Variants in RABEP2 observed in about 807,000 individuals in gnomAD.
The protein encoded by RABEP2 is rab GTPase-binding effector protein 2.
A neutral mutation model predicts 74.1 loss-of-function variants in RABEP2; 57 were observed. That is an observed-to-expected ratio of 0.77 (90% CI 0.62 to 0.96). RABEP2 has a LOEUF of 0.96. Among genes scored for constraint, RABEP2 ranks in the 40% least tolerant of loss-of-function variants. The probability of loss-of-function intolerance (pLI) is 0.00; values close to 1 mark genes in which losing one functional copy is unlikely to be tolerated. For missense variants in RABEP2, 692 were observed against 756.3 expected (o/e 0.91, Z 1.00); for synonymous variants, 351 against 344.0 (o/e 1.02, Z -0.23).
rs1409012051 is a variant in RABEP2 at position 28,914,425 on chromosome 16, G to A, written c.705C>T (p.Ser235=). 6.2e-7 allele frequency: 1 copy of A among 1,613,582 alleles called. No homozygotes were observed. The highest frequency in any genetic ancestry group is 1.7e-5 in the Admixed American group (1 of 60,024). The part of the protein sequence containing the change: ...AHNCDDSASI[S]SFSLGGGVGS... ...CGACCCCACCGCCAAGGGAGAAGGA[G>A]GAGATGGAGGCGCTGTCATCGCAGT... Residue 235 remains serine, a synonymous_variant, in exon 5 of 13, where the codon TCC becomes TCT. Coordinates refer to ENST00000358201, the MANE Select transcript of RABEP2 (RefSeq NM_024816.3).
intron 11 of RABEP2, 53 bp downstream of exon 11, chr16:28,905,651 T>C: frequency 1.3e-6 from 2 of 1,589,374 alleles, no homozygotes; most frequent in Non-Finnish European, 1.7e-6. Context: ...TGGGGGAGGG[T>C]CTTTTCCACA....
chr16:28,909,137 A>C (rs2152218938), intron 7 of RABEP2, among the ~76,000 whole-genome samples: 1 of 152,068 alleles, frequency 6.6e-6, no homozygotes, highest in South Asian at 2.1e-4. Flanking sequence ...AGTGCAATAG[A>C]GTGATCTCGG....
chr16:28,914,816 C>A (rs1277552363), intron 3 of RABEP2, 34 bp from the exon 4 acceptor site: 1 of 1,592,706 alleles, frequency 6.3e-7, no homozygotes, highest in Non-Finnish European at 8.6e-7. Flanking sequence ...CAATAGTTCC[C>A]CCTCCAAAGT....
intron 8 of RABEP2, 34 bp from the exon 9 acceptor site, chr16:28,906,230 G>C (rs766642528): frequency 2.7e-6 from 4 of 1,496,048 alleles, no homozygotes; most frequent in Non-Finnish European, 3.5e-6. Flanking sequence ...TGCTGGGCTG[G>C]GGCAGGAGGG....
chr16:28,908,321 T>C (rs1378524231), intron 8 of RABEP2, among the ~76,000 whole-genome samples: 5 of 152,198 alleles, frequency 3.3e-5, no homozygotes, highest in African/African-American at 1.2e-4. Context: ...CCAAAGATTA[T>C]GATAAATTCA....
At chr16:28,924,967 G>A in intron 1 of RABEP2, 136 bp downstream of exon 1, 2 of 1,075,400 alleles carry the variant, frequency 1.9e-6, no homozygotes, top group South Asian at 1.3e-5. Flanking sequence ...GTGGCTGTAG[G>A]CCCCGCCCCC....
chr16:28,905,866 C>A lies in RABEP2; in HGVS notation c.1435+1G>T. On this transcript the variant is annotated splice_donor_variant, in intron 10 of 12. Transcript: ENST00000358201. LOFTEE classifies it high-confidence loss of function. Reference sequence around the variant, plus strand: ...CAAGATCACCTCCAGCACACACTCACCCTCCAGCACCTCTGTGGGAAGGAA... The same window carrying A: ...CAAGATCACCTCCAGCACACACTCAACCTCCAGCACCTCTGTGGGAAGGAA... 1 of 1,613,886 alleles carries A rather than the reference C, an allele frequency of 6.2e-7. No homozygotes were observed. Among genetic ancestry groups the A allele is most frequent in the Non-Finnish European group, 8.5e-7 (1 of 1,180,026 alleles).
Position 28,925,111 on chromosome 16 carries a change from G to GGCCGCC in RABEP2, c.47_52dup (p.Arg16_Arg17dup), listed in dbSNP as rs766717206. ...GACGCCCCCTCACGTACCAGCCCCC[G>GGCCGCC]GCCGCCGCCGCCGCTCATCGTCGTC... On this transcript the variant is annotated inframe_insertion, in exon 1 of 13. Coordinates refer to ENST00000358201, the MANE Select transcript of RABEP2 (RefSeq NM_024816.3). The GGCCGCC allele has an allele frequency of 6.5e-7, 1 of 1,533,132 alleles. No homozygotes were observed. Among genetic ancestry groups the GGCCGCC allele is most frequent in the South Asian group, 1.2e-5 (1 of 84,180 alleles). The allele number at this position is 1,533,132 out of a possible 1,614,324, so 95.0% of individuals were successfully genotyped here. A position where few individuals can be genotyped will look rare whatever the true frequency, so the allele number is the denominator to read the frequency against.
intron 2 of RABEP2, chr16:28,920,964 A>T (rs1964462130): frequency 1.3e-5 from 4 of 313,024 alleles, no homozygotes; most frequent in South Asian, 7.7e-5. Flanking sequence ...CCTGGGCTCA[A>T]GCAATCCTCC....
In RABEP2 at chr16:28,905,971, G is replaced by GACAGGGGCCC. The variant is rs755384377; in HGVS notation, c.1423+38_1423+47dup. On this transcript the variant is annotated intron_variant, in intron 9 of 12. Coordinates refer to ENST00000358201, the MANE Select transcript of RABEP2 (RefSeq NM_024816.3). ...GGCCCCGGTGGCTCCCTGCAAGGCC[G>GACAGGGGCCC]ACAGGGGCCCTGGGCCCGGGGCTGG... is the stretch of plus-strand genomic sequence containing the variant. 20 of 1,611,392 alleles carry GACAGGGGCCC rather than the reference G, an allele frequency of 1.2e-5. No homozygotes were observed. In the East Asian group the frequency reaches 4.0e-4, roughly 32 times the overall value.
intron 5 of RABEP2, among the ~76,000 whole-genome samples, chr16:28,912,960 C>T (rs1031566148): frequency 6.6e-6 from 1 of 151,790 alleles, no homozygotes; most frequent in Admixed American, 6.6e-5. Context: ...GTTTTTTTTT[C>T]TCTTTTTTTT....
chr16:28,911,782 A>C (rs895648575), intron 5 of RABEP2, among the ~76,000 whole-genome samples: 1 of 150,912 alleles, frequency 6.6e-6, no homozygotes, highest in East Asian at 1.9e-4. Flanking sequence ...CCTTGTCTCT[A>C]CTAAAAATAC....
Position 28,908,748 on chromosome 16 carries a change from G to A in RABEP2, c.1106C>T (p.Thr369Ile), listed in dbSNP as rs761966664. The change falls in exon 8 of 13, where the codon ACC (threonine) becomes ATC (isoleucine). Residue 369 changes from threonine to isoleucine, a missense_variant. Coordinates refer to ENST00000358201, the MANE Select transcript of RABEP2 (RefSeq NM_024816.3). ...TACCTCATGGTGCAGGCACTTGTGG[G>A]TGGTGACCAGCTCCGCCTATGGACA... ...VQLQMAELVT[T>I]HKCLHHEVKR... 2 of 1,614,132 alleles carry A rather than the reference G, an allele frequency of 1.2e-6. No homozygotes were observed. The highest frequency in any genetic ancestry group is 1.7e-6 in the Non-Finnish European group (2 of 1,180,002).
At chr16:28,912,622 A>G (rs1964330628) in intron 5 of RABEP2, among the ~76,000 whole-genome samples, 1 of 151,950 alleles carries the variant, frequency 6.6e-6, no homozygotes, top group Admixed American at 6.6e-5. Flanking sequence ...CATGTTGCCC[A>G]GGCTGGTCTC....
chr16:28,917,267 C>T (rs1289277569), intron 3 of RABEP2, among the ~76,000 whole-genome samples: 1 of 152,182 alleles, frequency 6.6e-6, no homozygotes, highest in Admixed American at 6.6e-5. Flanking sequence ...GCCACAAACA[C>T]TCAGTCAGTG....
chr16:28,920,408 CAG>C (rs1166853263), intron 2 of RABEP2, among the ~76,000 whole-genome samples: 1 of 148,740 alleles, frequency 6.7e-6, no homozygotes, highest in Non-Finnish European at 1.5e-5. Context: ...TATTTTGAGA[CAG>C]AGTCTCACTC....
intron 3 of RABEP2, 131 bp from the exon 4 acceptor site, chr16:28,914,913 C>A: frequency 2.8e-6 from 2 of 726,262 alleles, no homozygotes; most frequent in South Asian, 3.7e-5. Flanking sequence ...CACCCTCATT[C>A]CAGAGATAAG....
chr16:28,910,908 C>G lies in RABEP2; in HGVS notation c.1069G>C (p.Glu357Gln). Residue 357 changes from glutamate (E) to glutamine (Q), a missense_variant, in exon 7 of 13, where the codon GAG becomes CAG. Physicochemically the swap from Glu to Gln is conservative, Grantham distance 29. Transcript: ENST00000358201. The stretch of plus-strand genomic sequence containing the variant: ...CTCACCATCTGCAGCTGCACCCGCT[C>G]CTGGGCCTGGCTCACGGTCCCTTGC... ...TLQGTVSQAQ[E>Q]RVQLQMAELV... 1 of 1,612,548 alleles carries G rather than the reference C, an allele frequency of 6.2e-7. No homozygotes were observed. Among genetic ancestry groups the G allele is most frequent in the Non-Finnish European group, 8.5e-7 (1 of 1,179,568 alleles).
intron 11 of RABEP2, 59 bp from the exon 12 acceptor site, chr16:28,905,572 G>T (rs1248399248): frequency 6.3e-7 from 1 of 1,577,416 alleles, no homozygotes; most frequent in Non-Finnish European, 8.7e-7. Context: ...AGATGGGAGG[G>T]TGCATGGCCA....
Sources: gnomAD v4.1 joint callset for allele counts (sites outside exome capture counted in the v4.1 genomes callset) on GRCh38, gnomAD v4.1.1 for gene constraint, MANE v1.5 for transcripts, NCBI Gene and HGNC (gene_info 2026-07-23, HGNC 2026-07-21) for gene names.